PHKB: variants seen among roughly 807,000 people sequenced by gnomAD.
The protein encoded by PHKB is phosphorylase b kinase regulatory subunit beta.
PHKB carries 122 observed loss-of-function variants against 152.1 expected under a neutral mutation model. The ratio of observed to expected loss-of-function variants is 0.80; its 90% CI spans 0.69 to 0.93. PHKB has a LOEUF of 0.93. Among genes scored for constraint, PHKB ranks in the 40% least tolerant of loss-of-function variants. PHKB has a pLI of 0.00. For synonymous variants in PHKB, 436 were observed against 464.9 expected, an observed-to-expected ratio of 0.94 and a Z score of 0.80; for missense variants, 1,304 against 1,328.4, an observed-to-expected ratio of 0.98 and a Z score of 0.29.
chr16:47,683,280 C>G (rs1973897824), intron 26 of PHKB, among the ~76,000 whole-genome samples: 1 of 152,236 alleles, frequency 6.6e-6, no homozygotes, highest in Non-Finnish European at 1.5e-5. Context: ...AACCACTACT[C>G]TCTTCAAAGC....
intron 6 of PHKB, among the ~76,000 whole-genome samples, chr16:47,542,842 A>G (rs970419876): frequency 3.3e-5 from 5 of 152,162 alleles, no homozygotes; most frequent in African/African-American, 4.8e-5. Flanking sequence ...ATTTTTGCAC[A>G]TTGATTTTGT....
chr16:47,649,002 T>A (rs1973185077), intron 17 of PHKB, 98 bp from the exon 18 acceptor site: 1 of 762,786 alleles, frequency 1.3e-6, no homozygotes, highest in African/African-American at 1.7e-5. Context: ...TTATTCAGAA[T>A]TAGACATCAG....
chr16:47,660,491 T>A lies in PHKB; in HGVS notation c.1972-15T>A, dbSNP rs776196524. 1 of 1,608,486 alleles carries A rather than the reference T, an allele frequency of 6.2e-7. No homozygotes were observed. The highest frequency in any genetic ancestry group is 8.5e-7 in the Non-Finnish European group (1 of 1,174,958). ...TGTATCTAAGAGTTTCTAATCTTTTTCGATCACGTTTCAGACACTAATATC... is the reference window on the plus strand; with the variant it reads ...TGTATCTAAGAGTTTCTAATCTTTTACGATCACGTTTCAGACACTAATATC... On this transcript the variant is annotated splice_polypyrimidine_tract_variant and intron_variant, in intron 20 of 30. Transcript: ENST00000323584.
chr16:47,547,705 C>T (rs1368163785), intron 7 of PHKB, 157 bp downstream of exon 7: 2 of 604,828 alleles, frequency 3.3e-6, no homozygotes, highest in Non-Finnish European at 5.9e-6. Context: ...TTAAAATTAA[C>T]ACAAAAGAGC....
At chr16:47,624,289 G>C (rs188742473) in intron 14 of PHKB, among the ~76,000 whole-genome samples, 11 of 152,198 alleles carry the variant, frequency 7.2e-5, no homozygotes, top group Admixed American at 5.2e-4. Flanking sequence ...ACTAATTATG[G>C]CTCCTAATCA....
intron 1 of PHKB, among the ~76,000 whole-genome samples, chr16:47,479,365 A>T (rs1002022416): frequency 6.6e-6 from 1 of 151,930 alleles, no homozygotes; most frequent in African/African-American, 2.4e-5. Context: ...GTAGAGCTAG[A>T]TTTTCCTAAG....
At chr16:47,554,035 G>A (rs996483014) in intron 7 of PHKB, among the ~76,000 whole-genome samples, 3 of 152,166 alleles carry the variant, frequency 2.0e-5, no homozygotes, top group African/African-American at 7.2e-5. Context: ...CACCTGAGGA[G>A]GCAGTCTGAC....
At chr16:47,611,231 G>A (rs1027755481) in intron 14 of PHKB, among the ~76,000 whole-genome samples, 16 of 152,180 alleles carry the variant, frequency 1.1e-4, no homozygotes, top group African/African-American at 3.9e-4. Flanking sequence ...TGAAGGGAGT[G>A]GGATTCCCCA....
chr16:47,605,071 A>C (rs1271305540), intron 13 of PHKB, among the ~76,000 whole-genome samples: 8 of 152,244 alleles, frequency 5.3e-5, no homozygotes, highest in Admixed American at 5.2e-4. Context: ...TGGGGAAAAA[A>C]TGTGCCCATA....
intron 5 of PHKB, among the ~76,000 whole-genome samples, chr16:47,512,891 T>C (rs1970534139): frequency 6.6e-6 from 1 of 152,242 alleles, no homozygotes; most frequent in Non-Finnish European, 1.5e-5. Flanking sequence ...CTGAAATTTC[T>C]TACTTTAGTA....
At chr16:47,616,583 TC>T (rs1341230702) in intron 14 of PHKB, among the ~76,000 whole-genome samples, 1 of 144,192 alleles carries the variant, frequency 6.9e-6, no homozygotes, top group Non-Finnish European at 1.5e-5. Context: ...CATATAAATA[TC>T]ATATATTAAT....
chr16:47,601,704 C>CAA (rs764159055), intron 13 of PHKB, among the ~76,000 whole-genome samples: 15 of 126,152 alleles, frequency 1.2e-4, no homozygotes, highest in Non-Finnish European at 1.7e-4. Flanking sequence ...GACTCCATCT[C>CAA]AAAAAAAAAA....
rs112594584 is a variant in PHKB at position 47,640,910 on chromosome 16, C to T, written c.1459-125C>T. On this transcript the variant is annotated intron_variant, in intron 14 of 30. Transcript: ENST00000323584. ...AGGAAAGAAAGGTGGCCGCTGAGAG[C>T]CAGCTGGTGTCCATCATTTTAATGA... 1,717 of 866,268 alleles carry T rather than the reference C, an allele frequency of 2.0e-3. 28 individuals carry two copies. The African/African-American group carries it at 0.026, about 13-fold the overall frequency. The allele number at this position is 866,268 out of a possible 1,614,324, so 53.7% of individuals were successfully genotyped here.
chr16:47,628,478 G>A (rs1972753047), intron 14 of PHKB, among the ~76,000 whole-genome samples: 1 of 152,140 alleles, frequency 6.6e-6, no homozygotes, highest in Non-Finnish European at 1.5e-5. Flanking sequence ...CTTGCAATGA[G>A]CCTAGATCGC....
chr16:47,611,309 A>C (rs1972423851), intron 14 of PHKB, among the ~76,000 whole-genome samples: 1 of 152,148 alleles, frequency 6.6e-6, no homozygotes, highest in African/African-American at 2.4e-5. Flanking sequence ...GACAGTTGTT[A>C]CAGCAACAGT....
intron 8 of PHKB, among the ~76,000 whole-genome samples, chr16:47,585,890 T>A (rs921418247): frequency 6.6e-6 from 1 of 152,196 alleles, no homozygotes; most frequent in Non-Finnish European, 1.5e-5. Context: ...TTAGATTGTA[T>A]CTTTTGAAAA....
intron 1 of PHKB, among the ~76,000 whole-genome samples, chr16:47,470,048 A>T (rs912473883): frequency 6.6e-6 from 1 of 152,144 alleles, no homozygotes; most frequent in Non-Finnish European, 1.5e-5. Context: ...TTTACATTTA[A>T]ATCTCACAGA....
chr16:47,602,542 C>CTTT (rs34655174), intron 13 of PHKB, among the ~76,000 whole-genome samples: 73 of 122,638 alleles, frequency 6.0e-4, no homozygotes, highest in African/African-American at 9.2e-4. Flanking sequence ...GCTTCTCTTC[C>CTTT]TTTTTTTTTT....
intron 6 of PHKB, 116 bp downstream of exon 6, chr16:47,515,717 T>C (rs1970584623): frequency 4.4e-6 from 3 of 677,680 alleles, no homozygotes; most frequent in South Asian, 3.3e-5. Context: ...GTTACATTTA[T>C]ATAATCAGAT....
Sources: gnomAD v4.1 joint callset for allele counts (sites outside exome capture counted in the v4.1 genomes callset) on GRCh38, gnomAD v4.1.1 for gene constraint, MANE v1.5 for transcripts, NCBI Gene and HGNC (gene_info 2026-07-23, HGNC 2026-07-21) for gene names.